PCSK9: variants seen among roughly 807,000 people sequenced by gnomAD.
PCSK9 encodes convertase subtilisin/kexin type 9 preproprotein.
In PCSK9, 57 loss-of-function variants were observed where a neutral mutation model predicts 62.1. That is an observed-to-expected ratio of 0.92 (90% confidence interval 0.74 to 1.14). The LOEUF is 1.14. Among genes scored for constraint, PCSK9 ranks in the 50% most tolerant of loss-of-function variants. PCSK9 has a pLI of 0.00. For synonymous variants in PCSK9, 387 were observed against 409.4 expected, an observed-to-expected ratio of 0.95 and a Z score of 0.66; for missense variants, 870 against 959.8, an observed-to-expected ratio of 0.91 and a Z score of 1.24.
At chr1:55,054,999 C>T (rs1042400362) in intron 5 of PCSK9, among the ~76,000 whole-genome samples, 2 of 129,684 alleles carry the variant, frequency 1.5e-5, no homozygotes, top group African/African-American at 5.2e-5. Flanking sequence ...AGCGAGACTC[C>T]GTCTGGAAAG....
Position 55,052,632 on chromosome 1 carries a change from C to A in PCSK9, c.658-18C>A. The A allele has an allele frequency of 6.2e-6, 10 of 1,612,530 alleles. No individual in the cohort carries two copies. The highest frequency in any genetic ancestry group is 8.5e-6 in the Non-Finnish European group (10 of 1,179,350). On this transcript the variant is annotated intron_variant, in intron 4 of 11. Coordinates refer to ENST00000302118, the MANE Select transcript of PCSK9 (RefSeq NM_174936.4). ...GAGGGGGGGTCTTTCTCATGTGGTC[C>A]TTGTGTTCGTCGAGCAGGCCAGCAA...
intron 6 of PCSK9, 71 bp downstream of exon 6, chr1:55,056,260 G>A (rs1299080475): frequency 6.4e-6 from 3 of 471,156 alleles, no homozygotes; most frequent in Non-Finnish European, 9.4e-6. Context: ...GAGGGCGGGC[G>A]GGCAGGCGGG....
At position 55,058,227 on chromosome 1, in the gene PCSK9, G is replaced by T; in HGVS notation, c.1354+18G>T. On this transcript the variant is annotated intron_variant, in intron 8 of 11. Transcript: ENST00000302118. ...TGGGGCAGGTAAGCAGGATGGCAGG[G>T]TGGGCAAGTCCAGGCTGGGGCTTGG... 6.2e-7 allele frequency: 1 copy of T among 1,609,160 alleles called. No individual in the cohort carries two copies. The highest frequency in any genetic ancestry group is 1.3e-5 in the African/African-American group (1 of 74,990).
chr1:55,062,641 C>A (rs1204516965), intron 11 of PCSK9, among the ~76,000 whole-genome samples: 3 of 152,088 alleles, frequency 2.0e-5, no homozygotes, highest in African/African-American at 7.2e-5. Context: ...ATGTTCCAGG[C>A]AAAGCAAAGG....
intron 9 of PCSK9, 89 bp downstream of exon 9, chr1:55,058,736 G>T: frequency 1.3e-6 from 2 of 1,542,984 alleles, no homozygotes; most frequent in Non-Finnish European, 1.7e-6. Flanking sequence ...GGGCCCTCAG[G>T]GACCCCCAGC....
intron 1 of PCSK9, among the ~76,000 whole-genome samples, chr1:55,041,994 T>C (rs1644600748): frequency 6.6e-6 from 1 of 152,182 alleles, no homozygotes; most frequent in African/African-American, 2.4e-5. Flanking sequence ...TTGCCCAGGC[T>C]GGAGTGCAAT....
rs892210400 is a variant in PCSK9 at position 55,063,519 on chromosome 1, G to A, written c.2014G>A (p.Val672Met). Residue 672 changes from valine to methionine, a missense_variant, in exon 12 of 12, where the codon GTG becomes ATG. Physicochemically the swap from Val to Met is conservative, Grantham distance 21 (BLOSUM62 1). Transcript: ENST00000302118. ...STTGSTSEGA[V>M]TAVAICCRSR... ...TACAGGCAGCACCAGCGAAGGGGCC[G>A]TGACAGCCGTTGCCATCTGCTGCCG... is the stretch of plus-strand genomic sequence containing the variant. The A allele has an allele frequency of 1.1e-5, 18 of 1,613,478 alleles. No homozygotes were observed. Among genetic ancestry groups the A allele is most frequent in the Non-Finnish European group, 1.5e-5 (18 of 1,179,748 alleles).
chr1:55,056,426 C>A (rs1390462619), intron 6 of PCSK9, among the ~76,000 whole-genome samples: 3 of 152,148 alleles, frequency 2.0e-5, no homozygotes, highest in Non-Finnish European at 4.4e-5. Context: ...AGTGGCCCCG[C>A]CATGCGCCCA....
rs376554821 is a variant in PCSK9 at position 55,043,863 on chromosome 1, C to T, written c.228C>T (p.Gly76=). Residue 76 remains glycine (G), a synonymous_variant, in exon 2 of 12, where the codon GGC becomes GGT. Transcript: ENST00000302118. The stretch of plus-strand genomic sequence containing the variant: ...GCCAGGATCCGTGGAGGTTGCCTGG[C>T]ACCTACGTGGTGGTGCTGAAGGAGG... The part of the protein sequence containing the change: ...RCAKDPWRLP[G]TYVVVLKEET... 26 of 1,614,058 alleles carry T rather than the reference C, an allele frequency of 1.6e-5. No individual in the cohort carries two copies. The highest frequency in any genetic ancestry group is 2.1e-5 in the Non-Finnish European group (25 of 1,180,050).
In PCSK9 at chr1:55,058,666, CGTGTGT is replaced by C. The variant is rs35115360; in HGVS notation, c.1503+66_1503+71del. ...CATGGAGGTGACTGTACCCCTCCTT[CGTGTGT>C]GTGTGTGTGTGTGTGTGTGTGTGTG... is the stretch of plus-strand genomic sequence containing the variant. On this transcript the variant is annotated intron_variant, in intron 9 of 11. Transcript: ENST00000302118. The C allele has an allele frequency of 1.8e-3, 2,834 of 1,532,782 alleles. 3 individuals carry two copies. The highest frequency in any genetic ancestry group is 5.5e-3 in the African/African-American group (378 of 69,348). 94.9% of individuals were successfully genotyped at this position (1,532,782 alleles called of 1,614,324 possible).
At chr1:55,063,026 C>T (rs1304585220) in intron 11 of PCSK9, among the ~76,000 whole-genome samples, 2 of 152,016 alleles carry the variant, frequency 1.3e-5, no homozygotes, top group South Asian at 2.1e-4. Context: ...GGCTCGGGCC[C>T]CTGGACAGAT....
intron 1 of PCSK9, among the ~76,000 whole-genome samples, chr1:55,042,164 C>T (rs1004109218): frequency 2.6e-5 from 4 of 151,962 alleles, no homozygotes; most frequent in African/African-American, 7.3e-5. Flanking sequence ...CCAGGCTAGT[C>T]GCAAACTCCT....
At chr1:55,051,839 G>T (rs1255538442) in intron 3 of PCSK9, 2 of 282,766 alleles carry the variant, frequency 7.1e-6, no homozygotes, top group African/African-American at 4.5e-5. Context: ...GAGCCGGCCA[G>T]CGCAGGTGGC....
chr1:55,055,242 C>A (rs1048494572), intron 5 of PCSK9, among the ~76,000 whole-genome samples: 1 of 152,138 alleles, frequency 6.6e-6, no homozygotes, highest in Non-Finnish European at 1.5e-5. Flanking sequence ...AGTGGGCAGC[C>A]AAGACTCTGT....
rs913300232 is a variant in PCSK9 at position 55,058,709 on chromosome 1, G to A, written c.1503+62G>A. On this transcript the variant is annotated intron_variant, in intron 9 of 11. Coordinates refer to ENST00000302118, the MANE Select transcript of PCSK9 (RefSeq NM_174936.4). ...TGTGTGTGTGTGTGTGTGTGTGTGT[G>A]TGTGTGTGTCAGTGCTGGGCCCTCA... The A allele has an allele frequency of 5.8e-6, 9 of 1,541,558 alleles. No individual in the cohort carries two copies. In the African/African-American group the frequency reaches 1.1e-4, roughly 19 times the overall value.
chr1:55,061,943 C>T (rs1408710088), intron 11 of PCSK9, among the ~76,000 whole-genome samples: 1 of 152,242 alleles, frequency 6.6e-6, no homozygotes, highest in African/African-American at 2.4e-5. Context: ...TGGTCTCAGC[C>T]TCCCCAAGTG....
chr1:55,060,006 G>A (rs1055176578), intron 10 of PCSK9, among the ~76,000 whole-genome samples: 1 of 152,208 alleles, frequency 6.6e-6, no homozygotes, highest in Non-Finnish European at 1.5e-5. Flanking sequence ...CCCCCGGCTG[G>A]GGCTGAAAGG....
rs1644583138 is a variant in PCSK9 at position 55,039,760 on chromosome 1, G to C, written c.-78G>C. On this transcript the variant is annotated 5_prime_UTR_variant, in exon 1 of 12. Transcript: ENST00000302118. ...CCTGCACAGTCCTCCCCACCGCAAG[G>C]CTCAAGGCGCCGCCGGCGTGGACCG... The C allele has an allele frequency of 6.6e-7, 1 of 1,515,864 alleles. No individual in the cohort carries two copies. The highest frequency in any genetic ancestry group is 9.0e-7 in the Non-Finnish European group (1 of 1,113,264). The allele number at this position is 1,515,864 out of a possible 1,614,324, so 93.9% of individuals were successfully genotyped here. A position where few individuals can be genotyped will look rare whatever the true frequency, so the allele number is the denominator to read the frequency against.
chr1:55,054,275 TG>T (rs1283090394), intron 5 of PCSK9, among the ~76,000 whole-genome samples: 1 of 152,076 alleles, frequency 6.6e-6, no homozygotes, highest in Non-Finnish European at 1.5e-5. Context: ...CCCAGCTACT[TG>T]GGAGGCTAAG....
Sources: allele counts gnomAD v4.1 joint callset (sites outside exome capture counted in the v4.1 genomes callset), GRCh38; gene constraint gnomAD v4.1.1; transcripts MANE v1.5; gene names NCBI Gene and HGNC (gene_info 2026-07-23, HGNC 2026-07-21).